The following DNAJC25 variants were observed in gnomAD, a reference collection of about 807,000 sequenced individuals.
DNAJC25 encodes dnaJ homolog subfamily C member 25.
In DNAJC25, 26 loss-of-function variants were observed where a neutral mutation model predicts 42.1. That is an observed-to-expected ratio of 0.62 (90% CI 0.45 to 0.86). The LOEUF (loss-of-function observed/expected upper bound fraction) is 0.86, where lower values mean the gene tolerates loss of function less well. DNAJC25 is among the 40% of genes least tolerant of loss of function. DNAJC25 has a pLI of 0.00. For synonymous variants in DNAJC25, 189 were observed against 179.9 expected (o/e 1.05, Z -0.40); for missense variants, 404 against 459.4 (o/e 0.88, Z 1.10).
At chr9:111,651,263 CAA>C (rs10555875) in intron 3 of DNAJC25, among the ~76,000 whole-genome samples, 32,488 of 104,788 alleles carry the variant, frequency 0.31, 4,252 homozygotes, top group African/African-American at 0.46. Flanking sequence ...GACTCTATCT[CAA>C]AAAAAAAAAA....
At chr9:111,650,424 C>T (rs1830641529) in intron 3 of DNAJC25, among the ~76,000 whole-genome samples, 1 of 152,022 alleles carries the variant, frequency 6.6e-6, no homozygotes, top group Admixed American at 6.6e-5. Flanking sequence ...TTTTGTTTTA[C>T]TTTTAAATTA....
At chr9:111,648,818 G>A (rs1564087036) in intron 2 of DNAJC25, among the ~76,000 whole-genome samples, 1 of 152,178 alleles carries the variant, frequency 6.6e-6, no homozygotes, top group Admixed American at 6.5e-5. Context: ...ATTTATGGAG[G>A]TACTATGTGA....
At position 111,653,615 on chromosome 9, in the gene DNAJC25, A is replaced by G. The variant is rs992763854; in HGVS notation, c.*393A>G. The G allele has an allele frequency of 6.5e-6, 1 of 153,074 alleles. No homozygotes were observed. The highest frequency in any genetic ancestry group is 1.5e-5 in the Non-Finnish European group (1 of 68,658). The allele number at this position is 153,074 out of a possible 1,614,324, so 9.5% of individuals were successfully genotyped here. A position where few individuals can be genotyped will look rare whatever the true frequency, so the allele number is the denominator to read the frequency against. Reference sequence around the variant, plus strand: ...AATAGTGCTACATTTTTCTGCTTTCATGGCCTCTGTATTTTCACAAAACAC... The same window carrying G: ...AATAGTGCTACATTTTTCTGCTTTCGTGGCCTCTGTATTTTCACAAAACAC... On this transcript the variant is annotated 3_prime_UTR_variant, in exon 4 of 4. Transcript: ENST00000313525.
At position 111,649,544 on chromosome 9, in the gene DNAJC25, A is replaced by G; in HGVS notation, c.581A>G (p.Gln194Arg). The G allele has an allele frequency of 1.2e-6, 2 of 1,614,132 alleles. No homozygotes were observed. Among genetic ancestry groups the G allele is most frequent in the Non-Finnish European group, 1.7e-6 (2 of 1,180,010 alleles). Residue 194 changes from glutamine (Q) to arginine (R), a missense_variant, in exon 3 of 4, where the codon CAG becomes CGG. Gln to Arg is a conservative substitution (Grantham distance 43, BLOSUM62 1). Coordinates refer to ENST00000313525, the MANE Select transcript of DNAJC25 (RefSeq NM_001015882.3). ...ATCCAAGCTACAGAGATTGCCAAGCAGCAGGGACTGCTCAAAAAAGCCAAA... is the reference window on the plus strand; with the variant it reads ...ATCCAAGCTACAGAGATTGCCAAGCGGCAGGGACTGCTCAAAAAAGCCAAA... ...YRIQATEIAK[Q>R]QGLLKKAKEK...
intron 1 of DNAJC25, 72 bp from the exon 2 acceptor site, chr9:111,647,035 G>A (rs1830576387): frequency 6.9e-7 from 1 of 1,441,338 alleles, no homozygotes; most frequent in Non-Finnish European, 9.2e-7. Flanking sequence ...TTCTATATGT[G>A]ATTTAACAGA....
chr9:111,641,541 C>CT (rs1485154402), intron 1 of DNAJC25, among the ~76,000 whole-genome samples: 2 of 86,338 alleles, frequency 2.3e-5, no homozygotes, highest in Non-Finnish European at 4.4e-5. Context: ...GGGGGTCGGA[C>CT]CCCGCCCGGC....
intron 1 of DNAJC25, among the ~76,000 whole-genome samples, chr9:111,635,574 A>G (rs1471712927): frequency 3.3e-5 from 5 of 152,250 alleles, no homozygotes; most frequent in African/African-American, 7.2e-5. Flanking sequence ...TAATACATGA[A>G]ATATGAGAAA....
At chr9:111,632,164 ATAGTGT>A (rs72137903) in intron 1 of DNAJC25, among the ~76,000 whole-genome samples, 7,052 of 152,324 alleles carry the variant, frequency 0.046, 349 homozygotes, top group Admixed American at 0.12. Flanking sequence ...GTTTCTGGAA[ATAGTGT>A]TAATGGTGAC....
chr9:111,638,287 A>G (rs763112099), intron 1 of DNAJC25, among the ~76,000 whole-genome samples: 6 of 152,254 alleles, frequency 3.9e-5, no homozygotes, highest in Non-Finnish European at 8.8e-5. Context: ...CAGATAGGGA[A>G]TGCTGAAATG....
intron 1 of DNAJC25, among the ~76,000 whole-genome samples, chr9:111,634,198 C>G (rs758886391): frequency 2.0e-5 from 3 of 152,194 alleles, no homozygotes; most frequent in Non-Finnish European, 4.4e-5. Flanking sequence ...TATTCATCTT[C>G]CAAGTGGAGC....
At chr9:111,650,471 T>C (rs1187495881) in intron 3 of DNAJC25, among the ~76,000 whole-genome samples, 1 of 152,214 alleles carries the variant, frequency 6.6e-6, no homozygotes, top group East Asian at 1.9e-4. Flanking sequence ...CTTTCAGGCA[T>C]TTTAATAAAT....
intron 1 of DNAJC25, among the ~76,000 whole-genome samples, chr9:111,633,874 T>C (rs1490401178): frequency 2.6e-5 from 4 of 152,180 alleles, no homozygotes; most frequent in Non-Finnish European, 5.9e-5. Context: ...ATAAAATAAG[T>C]GATCCACTCA....
At chr9:111,636,330 C>G (rs1367928019) in intron 1 of DNAJC25, among the ~76,000 whole-genome samples, 1 of 152,094 alleles carries the variant, frequency 6.6e-6, no homozygotes, top group Non-Finnish European at 1.5e-5. Context: ...AGCATTTTCT[C>G]CACCAAGGAT....
intron 1 of DNAJC25, among the ~76,000 whole-genome samples, chr9:111,640,770 C>T (rs1415972740): frequency 8.6e-6 from 1 of 116,476 alleles, no homozygotes; most frequent in Non-Finnish European, 1.7e-5. Flanking sequence ...CTCCGCCCAG[C>T]AGCCACCCCA....
At chr9:111,644,569 A>G (rs777918089) in intron 1 of DNAJC25, among the ~76,000 whole-genome samples, 11 of 152,212 alleles carry the variant, frequency 7.2e-5, no homozygotes, top group Admixed American at 1.3e-4. Context: ...CTTACTCCAT[A>G]TACTTCAACC....
chr9:111,632,395 C>T (rs1830297841), intron 1 of DNAJC25, among the ~76,000 whole-genome samples: 1 of 152,176 alleles, frequency 6.6e-6, no homozygotes, highest in Admixed American at 6.5e-5. Context: ...GCGAACCGCC[C>T]CCCTTTCCAT....
At chr9:111,647,280 T>G in intron 2 of DNAJC25, 21 bp downstream of exon 2, 3 of 1,613,364 alleles carry the variant, frequency 1.9e-6, no homozygotes, top group Non-Finnish European at 2.5e-6. Flanking sequence ...ATGGATATTT[T>G]TATCTACATT....
chr9:111,644,119 C>G (rs1321825719), intron 1 of DNAJC25, among the ~76,000 whole-genome samples: 5 of 152,126 alleles, frequency 3.3e-5, no homozygotes, highest in Admixed American at 6.5e-5. Context: ...GAGGAAGTGG[C>G]CAACTTTTTA....
At chr9:111,636,692 C>T (rs965685114) in intron 1 of DNAJC25, among the ~76,000 whole-genome samples, 1 of 152,146 alleles carries the variant, frequency 6.6e-6, no homozygotes, top group Non-Finnish European at 1.5e-5. Context: ...CCACAGATGG[C>T]ATATAGTTTC....
Sources: allele counts gnomAD v4.1 joint callset (sites outside exome capture counted in the v4.1 genomes callset), GRCh38; gene constraint gnomAD v4.1.1; transcripts MANE v1.5; gene names NCBI Gene and HGNC (gene_info 2026-07-23, HGNC 2026-07-21).